MACROD2: variants seen among roughly 807,000 people sequenced by gnomAD.
The protein encoded by MACROD2 is ADP-ribose glycohydrolase MACROD2.
A neutral mutation model predicts 70.4 loss-of-function variants in MACROD2; 36 were observed. That is an observed-to-expected ratio of 0.51 (90% CI 0.39 to 0.68). The LOEUF (loss-of-function observed/expected upper bound fraction) is 0.68, where lower values mean the gene tolerates loss of function less well. Among genes scored for constraint, MACROD2 ranks in the 30% least tolerant of loss-of-function variants. The pLI, the probability that MACROD2 is intolerant of heterozygous loss-of-function variation, is 0.00. For synonymous variants in MACROD2, 172 were observed against 178.8 expected (o/e 0.96, Z 0.30); for missense variants, 496 against 538.4 (o/e 0.92, Z 0.78).
intron 6 of MACROD2, among the ~76,000 whole-genome samples, chr20:15,344,034 C>G (rs562659928): frequency 6.6e-6 from 1 of 152,244 alleles, no homozygotes; most frequent in Non-Finnish European, 1.5e-5. Context: ...TCTAAATAAA[C>G]TCCTAAATTT....
chr20:14,257,687 T>C (rs1179094819), intron 3 of MACROD2, among the ~76,000 whole-genome samples: 1 of 152,226 alleles, frequency 6.6e-6, no homozygotes, highest in African/African-American at 2.4e-5. Context: ...TATTTTTATA[T>C]GAAGGAGTTC....
At chr20:15,530,510 A>G (rs1054307429) in intron 8 of MACROD2, among the ~76,000 whole-genome samples, 2 of 151,968 alleles carry the variant, frequency 1.3e-5, no homozygotes, top group African/African-American at 4.8e-5. Flanking sequence ...AGGCGGGCGG[A>G]TCACGAGGTT....
chr20:14,886,875 C>G (rs1249428358), intron 5 of MACROD2, among the ~76,000 whole-genome samples: 2 of 152,134 alleles, frequency 1.3e-5, no homozygotes, highest in East Asian at 1.9e-4. Context: ...TTGGAGCCAT[C>G]ATGGCAGCCT....
chr20:14,305,496 C>G (rs150482381), intron 3 of MACROD2, among the ~76,000 whole-genome samples: 1 of 152,124 alleles, frequency 6.6e-6, no homozygotes, highest in African/African-American at 2.4e-5. Flanking sequence ...TAGAATAGAA[C>G]CCCAAGGAAC....
intron 3 of MACROD2, among the ~76,000 whole-genome samples, chr20:14,120,229 A>AAG (rs1808896656): frequency 1.3e-5 from 2 of 151,192 alleles, no homozygotes; most frequent in African/African-American, 4.9e-5. Flanking sequence ...AAAAAAAAAA[A>AAG]AAAAAGAAGA....
chr20:15,969,113 C>A (rs1298018970), intron 13 of MACROD2, among the ~76,000 whole-genome samples: 1 of 151,944 alleles, frequency 6.6e-6, no homozygotes, highest in Non-Finnish European at 1.5e-5. Flanking sequence ...AATGAACGAG[C>A]AGTAGATTGG....
At chr20:14,373,759 C>T (rs1157706524) in intron 3 of MACROD2, among the ~76,000 whole-genome samples, 2 of 152,134 alleles carry the variant, frequency 1.3e-5, no homozygotes, top group Non-Finnish European at 2.9e-5. Context: ...GAGAGTACAC[C>T]TAAATACAGG....
chr20:14,412,536 T>G (rs2083760999), intron 3 of MACROD2, among the ~76,000 whole-genome samples: 1 of 152,126 alleles, frequency 6.6e-6, no homozygotes, highest in African/African-American at 2.4e-5. Context: ...CCTACACTCA[T>G]GCTAGTAATG....
At chr20:14,923,866 G>C (rs2074195597) in intron 5 of MACROD2, among the ~76,000 whole-genome samples, 1 of 151,810 alleles carries the variant, frequency 6.6e-6, no homozygotes, top group Non-Finnish European at 1.5e-5. Flanking sequence ...GGTAGAAAAT[G>C]ATTCATCTTA....
At chr20:15,515,441 T>C (rs1208711563) in intron 8 of MACROD2, among the ~76,000 whole-genome samples, 1 of 152,260 alleles carries the variant, frequency 6.6e-6, no homozygotes, top group Non-Finnish European at 1.5e-5. Flanking sequence ...CTGTTATCTC[T>C]GCTCAAATAC....
chr20:14,217,214 A>G (rs2081630530), intron 3 of MACROD2, among the ~76,000 whole-genome samples: 1 of 152,138 alleles, frequency 6.6e-6, no homozygotes, highest in South Asian at 2.1e-4. Flanking sequence ...TTTCAATCAT[A>G]AAGCAATGTT....
chr20:14,547,227 C>T, intron 4 of MACROD2: 1 of 582,318 alleles, frequency 1.7e-6, no homozygotes, highest in Non-Finnish European at 2.4e-6. Context: ...CATCAACTGG[C>T]TCCATGCAGG....
At chr20:15,729,520 C>T (rs1403838639) in intron 8 of MACROD2, among the ~76,000 whole-genome samples, 2 of 152,036 alleles carry the variant, frequency 1.3e-5, no homozygotes, top group Non-Finnish European at 1.5e-5. Flanking sequence ...TGGTTATCTA[C>T]GTCTCTCCAT....
chr20:14,778,705 CT>C (rs2072263780), intron 5 of MACROD2, among the ~76,000 whole-genome samples: 1 of 152,130 alleles, frequency 6.6e-6, no homozygotes, highest in Non-Finnish European at 1.5e-5. Flanking sequence ...ATGTGCTCCT[CT>C]GGCTCTCCCA....
At chr20:14,358,007 C>T (rs945789462) in intron 3 of MACROD2, among the ~76,000 whole-genome samples, 1 of 152,182 alleles carries the variant, frequency 6.6e-6, no homozygotes, top group Non-Finnish European at 1.5e-5. Flanking sequence ...AAACATTCAA[C>T]TTGTCTTTGC....
At chr20:15,941,229 A>C (rs185082189) in intron 12 of MACROD2, among the ~76,000 whole-genome samples, 2 of 152,204 alleles carry the variant, frequency 1.3e-5, no homozygotes, top group Non-Finnish European at 2.9e-5. Flanking sequence ...GTGAAGTTTT[A>C]TGAGTATTAC....
chr20:14,514,413 T>C (rs2085067064), intron 4 of MACROD2, among the ~76,000 whole-genome samples: 1 of 152,130 alleles, frequency 6.6e-6, no homozygotes. Flanking sequence ...CCTTTCCCTG[T>C]CAGCTGACTG....
intron 4 of MACROD2, among the ~76,000 whole-genome samples, chr20:14,681,625 T>C (rs2070933853): frequency 1.3e-5 from 2 of 152,266 alleles, no homozygotes; most frequent in South Asian, 4.1e-4. Flanking sequence ...AGGTAGCTTT[T>C]TGGGTTCAGG....
intron 4 of MACROD2, among the ~76,000 whole-genome samples, chr20:14,546,745 T>G (rs557028731): frequency 3.3e-5 from 5 of 152,136 alleles, no homozygotes; most frequent in Non-Finnish European, 7.4e-5. Context: ...TCAACTTTTC[T>G]TTTCCATAGG....
Sources: allele counts gnomAD v4.1 joint callset (sites outside exome capture counted in the v4.1 genomes callset), GRCh38; gene constraint gnomAD v4.1.1; transcripts MANE v1.5; gene names NCBI Gene and HGNC (gene_info 2026-07-23, HGNC 2026-07-21).